ATP8A1: variants seen among roughly 807,000 people sequenced by gnomAD.
The protein encoded by ATP8A1 is ATPase phospholipid transporting 8A1, also known as phospholipid-transporting ATPase IA.
A neutral mutation model predicts 177.7 loss-of-function variants in ATP8A1; 90 were observed. That is an observed-to-expected ratio of 0.51 (90% CI 0.43 to 0.60). The LOEUF (loss-of-function observed/expected upper bound fraction) is 0.60, where lower values mean the gene tolerates loss of function less well. ATP8A1 is among the 20% of genes least tolerant of loss of function. The pLI, the probability that ATP8A1 is intolerant of heterozygous loss-of-function variation, is 0.00. For synonymous variants in ATP8A1, 493 were observed against 485.9 expected (o/e 1.01, Z -0.19); for missense variants, 1,072 against 1,392.8 (o/e 0.77, Z 3.67).
intron 25 of ATP8A1, among the ~76,000 whole-genome samples, chr4:42,482,334 CAAAA>C (rs11445014): frequency 1.4e-5 from 2 of 145,054 alleles, no homozygotes; most frequent in Non-Finnish European, 3.0e-5. Context: ...AACAAACAAA[CAAAA>C]AAAAAAAAGA....
At chr4:42,446,098 A>AAAAAAAAAAAAAAAG (rs1553874360) in intron 31 of ATP8A1, among the ~76,000 whole-genome samples, 7 of 146,994 alleles carry the variant, frequency 4.8e-5, no homozygotes, top group African/African-American at 1.8e-4. Flanking sequence ...AAAAAAAAAA[A>AAAAAAAAAAAAAAAG]AGAGAAGAGA....
At chr4:42,413,656 C>T (rs995608993) in intron 36 of ATP8A1, among the ~76,000 whole-genome samples, 2 of 152,148 alleles carry the variant, frequency 1.3e-5, no homozygotes, top group African/African-American at 4.8e-5. Context: ...CTAGTGGATT[C>T]AATGTAGTAT....
At chr4:42,614,192 G>A (rs1041100108) in intron 5 of ATP8A1, among the ~76,000 whole-genome samples, 10 of 151,986 alleles carry the variant, frequency 6.6e-5, no homozygotes, top group South Asian at 2.1e-4. Flanking sequence ...AGGTAAGTAC[G>A]TACCCAGAAG....
chr4:42,652,715 A>C (rs1430618461), intron 1 of ATP8A1, among the ~76,000 whole-genome samples: 1 of 152,156 alleles, frequency 6.6e-6, no homozygotes, highest in Non-Finnish European at 1.5e-5. Flanking sequence ...ACAGTGAATA[A>C]GTCTCACGAG....
chr4:42,587,210 G>A (rs893287229), intron 8 of ATP8A1, among the ~76,000 whole-genome samples: 4 of 152,158 alleles, frequency 2.6e-5, no homozygotes, highest in African/African-American at 7.2e-5. Flanking sequence ...TAGAAAGTAC[G>A]GCTTTTTAAA....
chr4:42,526,121 T>C (rs1223741280), intron 20 of ATP8A1, among the ~76,000 whole-genome samples: 2 of 152,202 alleles, frequency 1.3e-5, no homozygotes, highest in African/African-American at 4.8e-5. Flanking sequence ...ACAAAAGTGA[T>C]AAGTAATATA....
At chr4:42,633,331 T>C (rs1339631553) in intron 1 of ATP8A1, among the ~76,000 whole-genome samples, 1 of 152,222 alleles carries the variant, frequency 6.6e-6, no homozygotes, top group Non-Finnish European at 1.5e-5. Context: ...GTGAAAGGCT[T>C]CTGACCTGCT....
chr4:42,416,935 T>C (rs1713309004), intron 35 of ATP8A1, among the ~76,000 whole-genome samples: 1 of 152,222 alleles, frequency 6.6e-6, no homozygotes, highest in Non-Finnish European at 1.5e-5. Flanking sequence ...CTAGTCAACA[T>C]AAGCGCAAGG....
intron 22 of ATP8A1, among the ~76,000 whole-genome samples, chr4:42,508,887 T>A (rs1208925116): frequency 6.6e-6 from 1 of 152,254 alleles, no homozygotes; most frequent in Non-Finnish European, 1.5e-5. Context: ...CTACTTTTCC[T>A]TATTGTTCAC....
chr4:42,522,793 A>T (rs1272990137), intron 21 of ATP8A1, among the ~76,000 whole-genome samples: 1 of 152,128 alleles, frequency 6.6e-6, no homozygotes, highest in Admixed American at 6.5e-5. Context: ...CAGCTCTGAA[A>T]ATCAGCTCTT....
chr4:42,507,799 A>AACAAAAC (rs1393492699), intron 22 of ATP8A1, among the ~76,000 whole-genome samples: 1 of 118,902 alleles, frequency 8.4e-6, no homozygotes, highest in Non-Finnish European at 2.0e-5. Flanking sequence ...AAAAAAAAAA[A>AACAAAAC]AAAAAAAAAA....
Position 42,485,674 on chromosome 4 carries a change from ATAT to A in ATP8A1, c.2152-9_2152-7del, listed in dbSNP as rs1560378400. 6.2e-7 allele frequency: 1 copy of A among 1,605,098 alleles called. No individual in the cohort carries two copies. The highest frequency in any genetic ancestry group is 2.2e-5 in the East Asian group (1 of 44,596). On this transcript the variant is annotated splice_polypyrimidine_tract_variant and splice_region_variant and intron_variant, in intron 24 of 36. Transcript: ENST00000381668. ...CTGAGAGTTTCCCTTGTTCCCTGGA[ATAT>A]TAAACAAGCAAAAATGCCATCAACA...
chr4:42,556,153 A>C, intron 15 of ATP8A1, 113 bp from the exon 16 acceptor site: 2 of 610,498 alleles, frequency 3.3e-6, no homozygotes, highest in Non-Finnish European at 2.7e-6. Flanking sequence ...CAATAAATTA[A>C]ATGTAATTTG....
chr4:42,446,602 A>G lies in ATP8A1; in HGVS notation c.2939T>C (p.Leu980Pro). The G allele has an allele frequency of 1.9e-6, 3 of 1,614,110 alleles. No individual in the cohort carries two copies. Among genetic ancestry groups the G allele is most frequent in the Non-Finnish European group, 2.5e-6 (3 of 1,179,964 alleles). Residue 980 changes from leucine (L) to proline (P), a missense_variant, in exon 31 of 37, where the codon CTG becomes CCG. This residue lies in a region of ATP8A1 where 316 missense variants were observed against 459.1 expected (regional missense o/e 0.69). Coordinates refer to ENST00000381668, the MANE Select transcript of ATP8A1 (RefSeq NM_006095.2). ...GNGKTSDYLL[L>P]GNFVYTFVVI... ...ACTCACAGTGTACACAAAGTTTCCC[A>G]GTAGCAGATAATCCGAGGTTTTCCC... is the stretch of plus-strand genomic sequence containing the variant.
intron 5 of ATP8A1, 122 bp downstream of exon 5, chr4:42,615,911 C>T: frequency 1.2e-6 from 1 of 848,834 alleles, no homozygotes; most frequent in Non-Finnish European, 1.8e-6. Context: ...AAAAATCAAT[C>T]TACCCCAAAA....
chr4:42,554,224 T>A (rs1460943363), intron 16 of ATP8A1, among the ~76,000 whole-genome samples: 2 of 151,384 alleles, frequency 1.3e-5, no homozygotes, highest in African/African-American at 4.9e-5. Flanking sequence ...ATCCACAGAG[T>A]GGGTGCTGGC....
At chr4:42,451,430 T>C (rs1717919583) in intron 30 of ATP8A1, among the ~76,000 whole-genome samples, 1 of 152,236 alleles carries the variant, frequency 6.6e-6, no homozygotes, top group African/African-American at 2.4e-5. Flanking sequence ...AAAGTAGCTA[T>C]TTAATGACTT....
At chr4:42,501,103 A>G (rs1578059552) in intron 24 of ATP8A1, among the ~76,000 whole-genome samples, 1 of 152,364 alleles carries the variant, frequency 6.6e-6, no homozygotes, top group Non-Finnish European at 1.5e-5. Context: ...TTTTAGTAGA[A>G]AATCTGAACA....
chr4:42,536,697 C>CA (rs1448868145), intron 20 of ATP8A1, among the ~76,000 whole-genome samples: 3 of 152,268 alleles, frequency 2.0e-5, no homozygotes, highest in Admixed American at 6.5e-5. Context: ...AAGTCCTCAA[C>CA]AAAACTTGCT....
Sources: allele counts gnomAD v4.1 joint callset (sites outside exome capture counted in the v4.1 genomes callset), GRCh38; gene constraint gnomAD v4.1.1; regional missense constraint gnomAD v4.1.1; transcripts MANE v1.5; gene names NCBI Gene and HGNC (gene_info 2026-07-23, HGNC 2026-07-21).